Variants in SYT1 observed in about 807,000 individuals in gnomAD.
The protein encoded by SYT1 is synaptotagmin-1.
A neutral mutation model predicts 44.8 loss-of-function variants in SYT1; 8 were observed. The observed-to-expected ratio is 0.18, with a 90% CI of 0.10 to 0.32. SYT1 has a LOEUF of 0.32. Ranked by LOEUF, SYT1 falls within the 10% of genes least tolerant of loss-of-function variation. The probability of loss-of-function intolerance (pLI) is 1.00; values close to 1 mark genes in which losing one functional copy is unlikely to be tolerated. For missense variants in SYT1, 286 were observed against 509.3 expected (o/e 0.56, Z 4.22); for synonymous variants, 154 against 188.8 (o/e 0.82, Z 1.51).
At position 79,200,860 on chromosome 12, in the gene SYT1, G is replaced by C. The variant is rs189672439; in HGVS notation, c.-17-16643G>C. Among the ~76,000 whole-genome samples, 102 of 152,214 alleles carry C rather than the reference G, an allele frequency of 6.7e-4. No homozygotes were observed. The East Asian group carries it at 0.018, about 26-fold the overall frequency. The stretch of plus-strand genomic sequence containing the variant: ...TCTACATAATTCAGAAACATAATCT[G>C]TCCACCCTCCCTGTCATATATATCT... On this transcript the variant is annotated intron_variant, in intron 3 of 10. Coordinates refer to ENST00000261205, the MANE Select transcript of SYT1 (RefSeq NM_005639.3).
chr12:78,913,251 A>G (rs980451167), intron 1 of SYT1, among the ~76,000 whole-genome samples: 16 of 151,368 alleles, frequency 1.1e-4, no homozygotes, highest in Non-Finnish European at 1.5e-4. Flanking sequence ...GCATCAATCT[A>G]CACTCATTGT....
At chr12:79,122,387 G>A (rs112123867) in intron 3 of SYT1, among the ~76,000 whole-genome samples, 2,864 of 149,714 alleles carry the variant, frequency 0.019, 93 homozygotes, top group African/African-American at 0.066. Context: ...GGTAGCGGGC[G>A]CCTGTAGTCC....
At chr12:78,984,052 A>C (rs1869456645) in intron 2 of SYT1, among the ~76,000 whole-genome samples, 2 of 151,990 alleles carry the variant, frequency 1.3e-5, no homozygotes, top group African/African-American at 4.8e-5. Context: ...CAAAATACAG[A>C]GAATATATAT....
At chr12:79,296,306 C>A in intron 7 of SYT1, 70 bp downstream of exon 7, 1 of 1,438,276 alleles carries the variant, frequency 7.0e-7, no homozygotes. Flanking sequence ...CATCCTGACA[C>A]ATACATAGAC....
intron 4 of SYT1, among the ~76,000 whole-genome samples, chr12:79,247,113 G>A (rs1876895977): frequency 6.6e-6 from 1 of 152,046 alleles, no homozygotes; most frequent in African/African-American, 2.4e-5. Context: ...TAGAGGTTGG[G>A]AAAAATAAAG....
rs142798155 is a variant in SYT1, at chr12:79,353,465, T to C, written c.811-37T>C. On this transcript the variant is annotated intron_variant, in intron 8 of 10. Transcript: ENST00000261205. ...TGTTAAAACTCTATTTACTTGTATT[T>C]GAAAAATTGCTAATACTTTCTTATT... 30 of 1,442,988 alleles carry C rather than the reference T, an allele frequency of 2.1e-5. No homozygotes were observed. In the East Asian group the frequency reaches 5.9e-4, roughly 28 times the overall value. The allele number at this position is 1,442,988 out of a possible 1,614,324, so 89.4% of individuals were successfully genotyped here.
At chr12:78,917,805 G>A (rs1399427258) in intron 1 of SYT1, among the ~76,000 whole-genome samples, 1 of 151,938 alleles carries the variant, frequency 6.6e-6, no homozygotes, top group Non-Finnish European at 1.5e-5. Flanking sequence ...CAGAACTAAA[G>A]CCTACGTTGT....
intron 9 of SYT1, among the ~76,000 whole-genome samples, chr12:79,407,291 T>C (rs1369640219): frequency 6.6e-6 from 1 of 152,052 alleles, no homozygotes; most frequent in Non-Finnish European, 1.5e-5. Flanking sequence ...GGAACTACCT[T>C]GAAAGGAAAA....
At chr12:78,927,276 TG>T (rs1301591899) in intron 1 of SYT1, among the ~76,000 whole-genome samples, 6 of 152,244 alleles carry the variant, frequency 3.9e-5, no homozygotes, top group Admixed American at 3.9e-4. Flanking sequence ...GAAGTGAAAC[TG>T]CCAAACATCA....
At chr12:79,334,800 T>G (rs1882014698) in intron 8 of SYT1, among the ~76,000 whole-genome samples, 1 of 152,162 alleles carries the variant, frequency 6.6e-6, no homozygotes, top group Admixed American at 6.5e-5. Flanking sequence ...TTTGTATTCT[T>G]AAAAATCTTT....
Position 79,018,263 on chromosome 12 carries a change from A to G in SYT1, c.-83-29034A>G, listed in dbSNP as rs985847938. ...GCAAGGACAAAAAACCAAACACCAC[A>G]TGTTCTCACTCATAGGTGGGAATTG... On this transcript the variant is annotated intron_variant, in intron 2 of 10. Transcript: ENST00000261205. Among the ~76,000 whole-genome samples, 3 of 148,404 alleles carry G rather than the reference A, an allele frequency of 2.0e-5. No individual in the cohort carries two copies. The Admixed American group carries it at 2.1e-4, about 10-fold the overall frequency.
intron 1 of SYT1, among the ~76,000 whole-genome samples, chr12:78,929,446 AGG>A (rs1877511128): frequency 7.8e-6 from 1 of 128,508 alleles, no homozygotes; most frequent in Non-Finnish European, 1.5e-5. Context: ...AAAAAAAAAA[AGG>A]TTATTAGCAG....
intron 3 of SYT1, among the ~76,000 whole-genome samples, chr12:79,179,354 C>CA (rs555133628): frequency 0.77 from 47,073 of 60,772 alleles, 17,440 homozygotes; most frequent in Admixed American, 0.81. Context: ...ATGTCTATAT[C>CA]GATATAGATA....
At chr12:79,269,997 A>T (rs1292501095) in intron 4 of SYT1, among the ~76,000 whole-genome samples, 1 of 152,172 alleles carries the variant, frequency 6.6e-6, no homozygotes. Flanking sequence ...GAGGTGGCTA[A>T]TGAGTGTATT....
intron 3 of SYT1, among the ~76,000 whole-genome samples, chr12:79,214,323 A>G (rs1874647417): frequency 6.6e-6 from 1 of 152,154 alleles, no homozygotes; most frequent in Admixed American, 6.5e-5. Context: ...TTAAAAGCTT[A>G]TAGCTCTTAC....
At chr12:78,934,166 A>G (rs1877919444) in intron 1 of SYT1, among the ~76,000 whole-genome samples, 1 of 148,170 alleles carries the variant, frequency 6.7e-6, no homozygotes, top group African/African-American at 2.5e-5. Context: ...GTGTACACAC[A>G]CACACATACA....
chr12:79,418,487 A>C (rs557469459), intron 9 of SYT1, among the ~76,000 whole-genome samples: 1 of 152,270 alleles, frequency 6.6e-6, no homozygotes, highest in African/African-American at 2.4e-5. Context: ...GAGTTTGAAG[A>C]GCCCGAACCT....
At chr12:78,953,105 A>T (rs1286860045) in intron 1 of SYT1, among the ~76,000 whole-genome samples, 1 of 152,112 alleles carries the variant, frequency 6.6e-6, no homozygotes, top group African/African-American at 2.4e-5. Context: ...CCTTTAACAC[A>T]TAGTAAGGGC....
At chr12:79,381,889 A>T (rs1261769213) in intron 9 of SYT1, among the ~76,000 whole-genome samples, 2 of 152,176 alleles carry the variant, frequency 1.3e-5, no homozygotes, top group Non-Finnish European at 2.9e-5. Flanking sequence ...AACACTAATT[A>T]TAGAGTATTA....
Sources: allele counts gnomAD v4.1 joint callset (sites outside exome capture counted in the v4.1 genomes callset), GRCh38; gene constraint gnomAD v4.1.1; transcripts MANE v1.5; gene names NCBI Gene and HGNC (gene_info 2026-07-23, HGNC 2026-07-21).